Variants in PCDHA4 observed in about 807,000 individuals in gnomAD.
PCDHA4 encodes the protein protocadherin alpha 4, also known as protocadherin alpha-4.
A neutral mutation model predicts 61.4 loss-of-function variants in PCDHA4; 49 were observed. That is an observed-to-expected ratio of 0.80 (90% confidence interval 0.63 to 1.01). The LOEUF (loss-of-function observed/expected upper bound fraction) is 1.01, where lower values mean the gene tolerates loss of function less well. Ranked by LOEUF, PCDHA4 falls within the 50% of genes least tolerant of loss-of-function variation. The pLI is 0.00. For synonymous variants in PCDHA4, 590 were observed against 550.3 expected, an observed-to-expected ratio of 1.07 and a Z score of -1.01; for missense variants, 1,254 against 1,235.8, an observed-to-expected ratio of 1.01 and a Z score of -0.22.
At chr5:140,874,326 GT>G (rs150189539) in intron 1 of PCDHA4, among the ~76,000 whole-genome samples, 3,860 of 152,194 alleles carry the variant, frequency 0.025, 154 homozygotes, top group African/African-American at 0.088. Flanking sequence ...GATCTTATCT[GT>G]TTTTTTCTCT....
intron 1 of PCDHA4, chr5:140,852,607 C>A: frequency 1.1e-6 from 1 of 915,386 alleles, no homozygotes; most frequent in Non-Finnish European, 1.3e-6. Context: ...CATTTTCTTT[C>A]AAAACTTGAG....
At chr5:140,875,039 A>G (rs1443862423) in intron 1 of PCDHA4, among the ~76,000 whole-genome samples, 1 of 152,230 alleles carries the variant, frequency 6.6e-6, no homozygotes, top group East Asian at 1.9e-4. Context: ...TATTTGAAAG[A>G]TTTCTACTTT....
chr5:140,850,266 G>A, intron 1 of PCDHA4: 2 of 1,594,736 alleles, frequency 1.3e-6, no homozygotes, highest in Non-Finnish European at 8.6e-7. Context: ...CGGCGTAGTG[G>A]TGGGGAAGGT....
At chr5:140,865,903 A>G (rs2049042220) in intron 1 of PCDHA4, 1 of 152,134 alleles carries the variant, frequency 6.6e-6, no homozygotes, top group Non-Finnish European at 1.5e-5. Flanking sequence ...GTACAGGCAA[A>G]TCTTTCTTTC....
At chr5:140,861,470 G>A (rs1554154806) in intron 1 of PCDHA4, 1 of 492,724 alleles carries the variant, frequency 2.0e-6, no homozygotes, top group Non-Finnish European at 4.2e-6. Context: ...TAAATCTGCA[G>A]AATGGCATTT....
chr5:140,928,525 G>A (rs200642808), intron 1 of PCDHA4: 1 of 1,614,182 alleles, frequency 6.2e-7, no homozygotes, highest in East Asian at 2.2e-5. Context: ...AAACTTGTTT[G>A]TGGTAGATAG....
rs1354537383 is a variant in PCDHA4 at position 140,982,283 on chromosome 5, A to G, written c.2445-192A>G. On this transcript the variant is annotated intron_variant, in intron 2 of 3. Coordinates refer to ENST00000530339, the MANE Select transcript of PCDHA4 (RefSeq NM_018907.4). The stretch of plus-strand genomic sequence containing the variant: ...TGTTCCTGGAATAGTATAGCAGGCA[A>G]TAAGTAAGTCAGCAATGCTTCTGCA... 1.7e-5 allele frequency: 18 copies of G among 1,044,438 alleles called. No homozygotes were observed. In the East Asian group the frequency reaches 2.7e-4, roughly 16 times the overall value. 64.7% of individuals were successfully genotyped at this position (1,044,438 alleles called of 1,614,324 possible).
chr5:140,921,693 C>A (rs115825687), intron 1 of PCDHA4, among the ~76,000 whole-genome samples: 103 of 152,244 alleles, frequency 6.8e-4, no homozygotes, highest in African/African-American at 2.4e-3. Flanking sequence ...CTGGCCACCT[C>A]AATTTTAAAC....
rs781972089 is a variant in PCDHA4 at position 141,009,851 on chromosome 5, A to G, written c.2758A>G (p.Lys920Glu). 1 of 1,614,060 alleles carries G rather than the reference A, an allele frequency of 6.2e-7. No individual in the cohort carries two copies. Among genetic ancestry groups the G allele is most frequent in the Non-Finnish European group, 8.5e-7 (1 of 1,179,986 alleles). Residue 920 changes from lysine to glutamate, a missense_variant, in exon 4 of 4, where the codon AAG becomes GAG. Transcript: ENST00000530339. ...AACCTTCGGCAAAAAGGAGGAGACC[A>G]AGAAAAAGAAGAAAAAGAAGAAGGG... is the stretch of plus-strand genomic sequence containing the variant. ...FITFGKKEETKKKKKKKKGNK... is the reference protein window; with the variant it reads ...FITFGKKEETEKKKKKKKGNK...
At chr5:140,875,474 T>A in intron 1 of PCDHA4, 2 of 1,606,582 alleles carry the variant, frequency 1.2e-6, no homozygotes, top group Non-Finnish European at 1.7e-6. Flanking sequence ...TTTTCTGCAA[T>A]GGTGATTATC....
Position 140,847,480 on chromosome 5 carries a change from A to T in PCDHA4, c.2385+37908A>T, listed in dbSNP as rs956174108. Reference sequence around the variant, plus strand: ...ATTAATCGACTTGGACGTTGGAATAAGATAGTAAAACTCACAACAAAACTT... The same window carrying T: ...ATTAATCGACTTGGACGTTGGAATATGATAGTAAAACTCACAACAAAACTT... On this transcript the variant is annotated intron_variant, in intron 1 of 3. Transcript: ENST00000530339. 2 of 149,954 alleles carry T rather than the reference A, an allele frequency of 1.3e-5. 1 individual carries two copies. The highest frequency in any genetic ancestry group is 3.0e-5 in the Non-Finnish European group (2 of 67,004). The allele number at this position is 149,954 out of a possible 1,614,324, so 9.3% of individuals were successfully genotyped here.
rs782362312 is a variant in PCDHA4 at position 140,884,131 on chromosome 5, G to T, written c.2385+74559G>T. 4 of 1,613,396 alleles carry T rather than the reference G, an allele frequency of 2.5e-6. No individual in the cohort carries two copies. In the South Asian group the frequency reaches 3.3e-5, roughly 13 times the overall value. On this transcript the variant is annotated intron_variant, in intron 1 of 3. Coordinates refer to ENST00000530339, the MANE Select transcript of PCDHA4 (RefSeq NM_018907.4). ...TGGCGGCGGTCGGCGCGCGCATCCCGTTCCGCGTGGGGCTGTACACTGGCG... is the reference window on the plus strand; with the variant it reads ...TGGCGGCGGTCGGCGCGCGCATCCCTTTCCGCGTGGGGCTGTACACTGGCG...
At chr5:140,834,585 T>C in intron 1 of PCDHA4, 1 of 1,614,126 alleles carries the variant, frequency 6.2e-7, no homozygotes, top group South Asian at 1.1e-5. Context: ...CCGGGCGGTG[T>C]GCAAATTCCG....
At chr5:140,997,740 C>T (rs568361121) in intron 3 of PCDHA4, among the ~76,000 whole-genome samples, 3 of 151,924 alleles carry the variant, frequency 2.0e-5, no homozygotes, top group African/African-American at 7.2e-5. Flanking sequence ...ATAGATTTGC[C>T]ACAATCTTCT....
chr5:140,925,612 G>A (rs895763627), intron 1 of PCDHA4, among the ~76,000 whole-genome samples: 2 of 150,356 alleles, frequency 1.3e-5, no homozygotes, highest in Non-Finnish European at 3.0e-5. Flanking sequence ...AAACCTGCAC[G>A]TTGTGCACAT....
chr5:140,946,294 A>G (rs529202868), intron 1 of PCDHA4, among the ~76,000 whole-genome samples: 1 of 152,056 alleles, frequency 6.6e-6, no homozygotes, highest in Admixed American at 6.5e-5. Flanking sequence ...ATCACCTCAC[A>G]CCTGGTAGAA....
intron 1 of PCDHA4, chr5:140,830,438 A>G: frequency 6.2e-7 from 1 of 1,612,916 alleles, no homozygotes; most frequent in Admixed American, 1.7e-5. Context: ...TCCTATTATG[A>G]TGGGTAAGGC....
At chr5:140,913,160 G>T (rs1437493261) in intron 1 of PCDHA4, among the ~76,000 whole-genome samples, 4 of 152,156 alleles carry the variant, frequency 2.6e-5, no homozygotes, top group African/African-American at 9.7e-5. Flanking sequence ...AGTAGGATTG[G>T]TATTAGTTCT....
chr5:140,887,454 T>A (rs1234442880), intron 1 of PCDHA4, among the ~76,000 whole-genome samples: 5 of 152,178 alleles, frequency 3.3e-5, no homozygotes, highest in Non-Finnish European at 7.3e-5. Context: ...GACAGTTTTT[T>A]AAAAGATATA....
Sources: allele counts gnomAD v4.1 joint callset (sites outside exome capture counted in the v4.1 genomes callset), GRCh38; gene constraint gnomAD v4.1.1; transcripts MANE v1.5; gene names NCBI Gene and HGNC (gene_info 2026-07-23, HGNC 2026-07-21).